Variants in ARHGAP18 observed in about 807,000 individuals in gnomAD.
ARHGAP18 encodes the protein Rho GTPase activating protein 18.
In ARHGAP18, 67 loss-of-function variants were observed where a neutral mutation model predicts 86.2. The observed-to-expected ratio is 0.78, with a 90% CI of 0.64 to 0.95. The LOEUF (loss-of-function observed/expected upper bound fraction) is 0.95. Ranked by LOEUF, ARHGAP18 falls within the 40% of genes least tolerant of loss-of-function variation. ARHGAP18 has a pLI of 0.00. For synonymous variants in ARHGAP18, 283 were observed against 280.4 expected, an observed-to-expected ratio of 1.01 and a Z score of -0.09; for missense variants, 691 against 780.4, an observed-to-expected ratio of 0.89 and a Z score of 1.37.
chr6:129,639,370 T>C (rs1008660611), intron 2 of ARHGAP18, among the ~76,000 whole-genome samples: 1 of 152,180 alleles, frequency 6.6e-6, no homozygotes, highest in Non-Finnish European at 1.5e-5. Context: ...CCATCATATT[T>C]ATAGAGGAAA....
At chr6:129,706,227 C>A (rs1774799952) in intron 1 of ARHGAP18, among the ~76,000 whole-genome samples, 1 of 152,216 alleles carries the variant, frequency 6.6e-6, no homozygotes, top group East Asian at 1.9e-4. Context: ...CGAAAAAATT[C>A]TTTTCAAAAC....
At chr6:129,677,944 T>C (rs1415474795) in intron 1 of ARHGAP18, among the ~76,000 whole-genome samples, 2 of 152,168 alleles carry the variant, frequency 1.3e-5, no homozygotes, top group East Asian at 3.8e-4. Context: ...AATTTTAATG[T>C]GGGAAAGGGA....
At chr6:129,653,305 G>C (rs1486786192) in intron 1 of ARHGAP18, among the ~76,000 whole-genome samples, 1 of 152,148 alleles carries the variant, frequency 6.6e-6, no homozygotes, top group East Asian at 1.9e-4. Context: ...AATAGTAATA[G>C]AACAATTAAA....
intron 2 of ARHGAP18, among the ~76,000 whole-genome samples, chr6:129,639,389 G>A (rs62421089): frequency 0.2 from 30,027 of 152,070 alleles, 3,248 homozygotes; most frequent in Non-Finnish European, 0.24. Context: ...AAATAAAAGC[G>A]ATGAATTGGG....
intron 7 of ARHGAP18, among the ~76,000 whole-genome samples, 179 bp downstream of exon 7, chr6:129,616,033 C>T (rs1036034370): frequency 8.5e-5 from 13 of 152,132 alleles, no homozygotes; most frequent in Non-Finnish European, 1.8e-4. Flanking sequence ...ACACAGAAAG[C>T]ATCACCATGA....
At position 129,634,078 on chromosome 6, in the gene ARHGAP18, G is replaced by C; in HGVS notation, c.580C>G (p.Leu194Val). The C allele has an allele frequency of 6.2e-7, 1 of 1,612,758 alleles. No homozygotes were observed. Among genetic ancestry groups the C allele is most frequent in the Non-Finnish European group, 8.5e-7 (1 of 1,179,708 alleles). ...TAPGGTESQS[L>V]RTNENKYQGR... ...TGGTATTTGTTTTCATTTGTTCTAA[G>C]TGACTGCGATTCAGTGCCACCTGGA... is the stretch of plus-strand genomic sequence containing the variant. The change falls in exon 4 of 15, where the codon CTT (leucine) becomes GTT (valine). Residue 194 changes from leucine to valine, a missense_variant. Leu to Val is a conservative substitution (Grantham distance 32). Coordinates refer to ENST00000368149, the MANE Select transcript of ARHGAP18 (RefSeq NM_033515.3).
intron 1 of ARHGAP18, among the ~76,000 whole-genome samples, chr6:129,654,844 C>A (rs895360624): frequency 4.6e-5 from 7 of 152,210 alleles, no homozygotes; most frequent in African/African-American, 1.7e-4. Flanking sequence ...ATGCTGTCTG[C>A]TACATCACTT....
intron 2 of ARHGAP18, 99 bp from the exon 3 acceptor site, chr6:129,638,728 A>G: frequency 1.9e-6 from 2 of 1,063,888 alleles, no homozygotes. Context: ...TTCTATTGTA[A>G]CCAAACCACA....
At chr6:129,670,718 C>A (rs370418217) in intron 1 of ARHGAP18, among the ~76,000 whole-genome samples, 1 of 150,772 alleles carries the variant, frequency 6.6e-6, no homozygotes. Context: ...TGCCTCCCCC[C>A]ACCAAGACTT....
chr6:129,592,858 T>G (rs1179182874), intron 12 of ARHGAP18, among the ~76,000 whole-genome samples: 1 of 152,120 alleles, frequency 6.6e-6, no homozygotes, highest in African/African-American at 2.4e-5. Context: ...TAAGATATCC[T>G]TTAAAATTCT....
chr6:129,670,685 ACT>A (rs1353577045), intron 1 of ARHGAP18, among the ~76,000 whole-genome samples: 1 of 126,736 alleles, frequency 7.9e-6, no homozygotes, highest in Non-Finnish European at 1.6e-5. Context: ...TGAAGTCGTA[ACT>A]CTTTTTTTTT....
intron 4 of ARHGAP18, 149 bp from the exon 5 acceptor site, chr6:129,629,671 C>G (rs1048973960): frequency 1.3e-6 from 1 of 798,592 alleles, no homozygotes; most frequent in African/African-American, 1.7e-5. Context: ...AAAGAGTATA[C>G]TCAAGAATCC....
chr6:129,618,934 A>G, intron 5 of ARHGAP18, 82 bp from the exon 6 acceptor site: 2 of 1,246,580 alleles, frequency 1.6e-6, no homozygotes, highest in Non-Finnish European at 2.2e-6. Flanking sequence ...CCAACTACAG[A>G]AAGAAGTTAT....
rs375982809 is a variant in ARHGAP18 at position 129,625,095 on chromosome 6, TG to T, written c.786+4257del. On this transcript the variant is annotated intron_variant, in intron 5 of 14. Coordinates refer to ENST00000368149, the MANE Select transcript of ARHGAP18 (RefSeq NM_033515.3). ...TATAATATATATGATATATGATATA[TG>T]ATATATATTATATATTATATAGATA... Among the ~76,000 whole-genome samples the T allele has an allele frequency of 3.8e-3, 374 of 97,996 alleles. 35 individuals are homozygous for T. The highest frequency in any genetic ancestry group is 5.3e-3 in the African/African-American group (132 of 24,758). 64.3% of individuals were successfully genotyped at this position (97,996 alleles called of 152,430 possible). A position where few individuals can be genotyped will look rare whatever the true frequency, so the allele number is the denominator to read the frequency against.
At position 129,597,065 on chromosome 6, in the gene ARHGAP18, G is replaced by T. The variant is rs541532090; in HGVS notation, c.1713+2151C>A. On this transcript the variant is annotated intron_variant, in intron 12 of 14. Coordinates refer to ENST00000368149, the MANE Select transcript of ARHGAP18 (RefSeq NM_033515.3). ...TTGAACTTAGCTTGCACCTCTACTTGTTCTGTAATTGCTTTGTGTGTCTAT... is the reference window on the plus strand; with the variant it reads ...TTGAACTTAGCTTGCACCTCTACTTTTTCTGTAATTGCTTTGTGTGTCTAT... Among the ~76,000 whole-genome samples the T allele has an allele frequency of 3.3e-5, 5 of 151,710 alleles. No individual in the cohort carries two copies. In the South Asian group the frequency reaches 1.0e-3, roughly 32 times the overall value.
At chr6:129,631,591 CCT>C (rs1191487460) in intron 4 of ARHGAP18, among the ~76,000 whole-genome samples, 1 of 151,980 alleles carries the variant, frequency 6.6e-6, no homozygotes, top group African/African-American at 2.4e-5. Context: ...CTCTTAAGGT[CCT>C]AAAATAAATA....
At chr6:129,669,794 T>C (rs1011407609) in intron 1 of ARHGAP18, among the ~76,000 whole-genome samples, 4 of 150,402 alleles carry the variant, frequency 2.7e-5, no homozygotes, top group African/African-American at 9.8e-5. Flanking sequence ...AAAAAAAAAA[T>C]AAATAAATTC....
chr6:129,635,631 C>A (rs1194941649), intron 3 of ARHGAP18, among the ~76,000 whole-genome samples: 2 of 152,170 alleles, frequency 1.3e-5, no homozygotes, highest in African/African-American at 4.8e-5. Context: ...CATTATATTT[C>A]CTAGTGTCAG....
At chr6:129,615,309 T>TG (rs1789073397) in intron 7 of ARHGAP18, among the ~76,000 whole-genome samples, 1 of 152,114 alleles carries the variant, frequency 6.6e-6, no homozygotes, top group Non-Finnish European at 1.5e-5. Flanking sequence ...GGCTGATGGG[T>TG]GGGATCAACT....
Sources: allele counts gnomAD v4.1 joint callset (sites outside exome capture counted in the v4.1 genomes callset), GRCh38; gene constraint gnomAD v4.1.1; transcripts MANE v1.5; gene names NCBI Gene and HGNC (gene_info 2026-07-23, HGNC 2026-07-21).